RAB27B: variants seen among roughly 807,000 people sequenced by gnomAD.
RAB27B encodes ras-related protein Rab-27B.
RAB27B carries 15 observed loss-of-function variants against 24.6 expected under a neutral mutation model. The ratio of observed to expected loss-of-function variants is 0.61; its 90% CI spans 0.41 to 0.94. The LOEUF (loss-of-function observed/expected upper bound fraction) is 0.94, where lower values mean the gene tolerates loss of function less well. Among genes scored for constraint, RAB27B ranks in the 40% least tolerant of loss-of-function variants. The pLI is 0.00. For synonymous variants in RAB27B, 105 were observed against 92.5 expected (o/e 1.14, Z -0.78); for missense variants, 261 against 266.8 (o/e 0.98, Z 0.15).
intron 2 of RAB27B, among the ~76,000 whole-genome samples, chr18:54,789,609 G>GT (rs904952075): frequency 1.3e-5 from 2 of 151,746 alleles, no homozygotes; most frequent in African/African-American, 4.8e-5. Context: ...ACAAAATAAT[G>GT]TTTTTTTATT....
chr18:54,764,315 A>G (rs1482186877), intron 2 of RAB27B, among the ~76,000 whole-genome samples: 1 of 152,138 alleles, frequency 6.6e-6, no homozygotes, highest in Non-Finnish European at 1.5e-5. Context: ...GGTAAATTTC[A>G]ACACTCTATC....
At chr18:54,836,522 C>T (rs1910900182) in intron 1 of RAB27B, among the ~76,000 whole-genome samples, 1 of 151,882 alleles carries the variant, frequency 6.6e-6, no homozygotes, top group South Asian at 2.1e-4. Context: ...TATTGAGACA[C>T]ATGAAGGTAT....
intron 1 of RAB27B, among the ~76,000 whole-genome samples, chr18:54,872,569 G>A (rs548237441): frequency 6.6e-6 from 1 of 151,132 alleles, no homozygotes; most frequent in South Asian, 2.1e-4. Context: ...AGGTTGCGGT[G>A]AGCTGAGATG....
upstream of RAB27B, among the ~76,000 whole-genome samples, chr18:54,826,383 A>G (rs1910476011): frequency 6.6e-6 from 1 of 152,098 alleles, no homozygotes; most frequent in African/African-American, 2.4e-5. Flanking sequence ...GCCTTCATGG[A>G]GTGGCCAAGC....
intron 1 of RAB27B, among the ~76,000 whole-genome samples, chr18:54,841,433 A>G (rs1000646110): frequency 6.6e-6 from 1 of 152,216 alleles, no homozygotes; most frequent in African/African-American, 2.4e-5. Context: ...TGCCAATACT[A>G]TACAAGGATT....
chr18:54,858,331 A>G (rs542226126), intron 1 of RAB27B, among the ~76,000 whole-genome samples: 3 of 152,016 alleles, frequency 2.0e-5, no homozygotes, highest in East Asian at 3.9e-4. Flanking sequence ...CTTTTGTTGT[A>G]AGAATAACAC....
At chr18:54,852,669 T>C (rs1050088656) in intron 1 of RAB27B, among the ~76,000 whole-genome samples, 2 of 152,222 alleles carry the variant, frequency 1.3e-5, no homozygotes, top group African/African-American at 4.8e-5. Flanking sequence ...GCATGAAGGC[T>C]TATTGAAAGA....
chr18:54,837,868 G>T (rs887891880), intron 1 of RAB27B, among the ~76,000 whole-genome samples: 1 of 151,898 alleles, frequency 6.6e-6, no homozygotes, highest in Non-Finnish European at 1.5e-5. Context: ...CTTCTGTGGG[G>T]GCAATCACTA....
intron 3 of RAB27B, chr18:54,880,482 A>T (rs1338974624): frequency 6.6e-6 from 1 of 152,154 alleles, no homozygotes; most frequent in African/African-American, 2.4e-5. Context: ...GCTTGTAAAC[A>T]CTTCCATCTT....
At chr18:54,837,953 G>A (rs1396117326) in intron 1 of RAB27B, among the ~76,000 whole-genome samples, 4 of 152,002 alleles carry the variant, frequency 2.6e-5, no homozygotes, top group South Asian at 2.1e-4. Context: ...ATGACAAGTC[G>A]TGTCTCAATC....
At chr18:54,751,777 C>T (rs958965711) in intron 2 of RAB27B, among the ~76,000 whole-genome samples, 1 of 152,144 alleles carries the variant, frequency 6.6e-6, no homozygotes, top group Non-Finnish European at 1.5e-5. Context: ...AATAAAGAAG[C>T]TCCATAAGAA....
intron 1 of RAB27B, among the ~76,000 whole-genome samples, chr18:54,833,526 C>T (rs1910775660): frequency 6.6e-6 from 1 of 152,122 alleles, no homozygotes; most frequent in Admixed American, 6.5e-5. Context: ...TGCACCCGGC[C>T]ATGAATCCCT....
intron 1 of RAB27B, among the ~76,000 whole-genome samples, chr18:54,857,988 A>G (rs1274513878): frequency 6.6e-6 from 1 of 152,254 alleles, no homozygotes; most frequent in Non-Finnish European, 1.5e-5. Flanking sequence ...AGGGAAAATC[A>G]GCTCTTTCAG....
intron 2 of RAB27B, among the ~76,000 whole-genome samples, chr18:54,805,177 A>G (rs35509548): frequency 0.23 from 34,527 of 151,570 alleles, 4,198 homozygotes; most frequent in East Asian, 0.4. Flanking sequence ...CACTCTGCAC[A>G]CTTCCCTTAC....
At chr18:54,839,177 C>A (rs1911011921) in intron 1 of RAB27B, among the ~76,000 whole-genome samples, 1 of 152,102 alleles carries the variant, frequency 6.6e-6, no homozygotes, top group Admixed American at 6.6e-5. Flanking sequence ...CAATAAGCAA[C>A]CCCGTTTTCA....
At chr18:54,786,733 A>G (rs1337607875) in intron 2 of RAB27B, among the ~76,000 whole-genome samples, 2 of 152,248 alleles carry the variant, frequency 1.3e-5, no homozygotes, top group Non-Finnish European at 2.9e-5. Flanking sequence ...ATGTTCAAGT[A>G]ATTATTTTTG....
In RAB27B at chr18:54,776,944, T is replaced by C. The variant is rs185494498; in HGVS notation, c.-20+58803T>C. ...CTGGTAGTCTCAGCTACTCGGGAGG[T>C]TGAGGCAGGAGAATCACCTGAGCCT... is the stretch of plus-strand genomic sequence containing the variant. On this transcript the variant is annotated intron_variant, in intron 2 of 4. Transcript: ENST00000586570. 2.6e-4 allele frequency among the ~76,000 whole-genome samples: 40 copies of C among 152,036 alleles called. No homozygotes were observed. In the East Asian group the frequency reaches 7.0e-3, roughly 27 times the overall value.
At chr18:54,821,631 G>A (rs1262744590) in intron 2 of RAB27B, among the ~76,000 whole-genome samples, 1 of 152,316 alleles carries the variant, frequency 6.6e-6, no homozygotes. Flanking sequence ...AAAGCTGGAG[G>A]CATCACGCCA....
intron 2 of RAB27B, among the ~76,000 whole-genome samples, chr18:54,747,552 A>G (rs1335106569): frequency 1.3e-5 from 2 of 152,166 alleles, no homozygotes; most frequent in African/African-American, 4.8e-5. Context: ...CAGTCTGAGG[A>G]GTGTGAGAAG....
Sources: gnomAD v4.1 joint callset for allele counts (sites outside exome capture counted in the v4.1 genomes callset) on GRCh38, gnomAD v4.1.1 for gene constraint, MANE v1.5 for transcripts, NCBI Gene and HGNC (gene_info 2026-07-23, HGNC 2026-07-21) for gene names.